TMTC4: variants seen among roughly 807,000 people sequenced by gnomAD.
The protein encoded by TMTC4 is protein O-mannosyl-transferase TMTC4.
TMTC4 carries 65 observed loss-of-function variants against 86.0 expected under a neutral mutation model. That is an observed-to-expected ratio of 0.76 (90% confidence interval 0.62 to 0.93). TMTC4 has a LOEUF of 0.93. TMTC4 is among the 40% of genes least tolerant of loss of function. TMTC4 has a pLI of 0.00. For missense variants in TMTC4, 866 were observed against 948.1 expected (o/e 0.91, Z 1.14); for synonymous variants, 379 against 382.5 (o/e 0.99, Z 0.11).
At chr13:100,606,134 G>A (rs759570967) in intron 18 of TMTC4, among the ~76,000 whole-genome samples, 2 of 152,206 alleles carry the variant, frequency 1.3e-5, no homozygotes, top group Admixed American at 6.5e-5. Flanking sequence ...TTCATCATGA[G>A]AAGGTAATAG....
At position 100,674,017 on chromosome 13, in the gene TMTC4, A is replaced by T. The variant is rs577574681; in HGVS notation, c.-208+727T>A. 1.9e-5 allele frequency: 19 copies of T among 983,568 alleles called. No homozygotes were observed. In the South Asian group the frequency reaches 2.8e-4, roughly 15 times the overall value. 60.9% of individuals were successfully genotyped at this position (983,568 alleles called of 1,614,324 possible). On this transcript the variant is annotated intron_variant, in intron 1 of 18. Transcript: ENST00000342624. ...TCCTCCCTTCTTTTGTGTGTGGTTT[A>T]AAAAAAAGAAAAACACACACGCAGC...
At chr13:100,670,916 G>A (rs573182458) in intron 1 of TMTC4, among the ~76,000 whole-genome samples, 37 of 152,264 alleles carry the variant, frequency 2.4e-4, no homozygotes, top group African/African-American at 8.7e-4. Context: ...ATCACACCTC[G>A]GCTCTACAGC....
rs1033711314 is a variant in TMTC4, at chr13:100,674,090, G to A, written c.-208+654C>T. 1.8e-5 allele frequency: 18 copies of A among 984,926 alleles called. No individual in the cohort carries two copies. The African/African-American group carries it at 2.6e-4, about 14-fold the overall frequency. The allele number at this position is 984,926 out of a possible 1,614,324, so 61.0% of individuals were successfully genotyped here. A position where few individuals can be genotyped will look rare whatever the true frequency, so the allele number is the denominator to read the frequency against. On this transcript the variant is annotated intron_variant, in intron 1 of 18. Coordinates refer to ENST00000342624, the MANE Select transcript of TMTC4 (RefSeq NM_032813.5). ...ACCAGAAGCCCCGCAGAGTTCGCAG[G>A]AGGTGGGCAGTGGCTGCGCCACCTG... is the stretch of plus-strand genomic sequence containing the variant.
chr13:100,659,443 C>T (rs546090409), intron 5 of TMTC4, among the ~76,000 whole-genome samples: 1 of 152,202 alleles, frequency 6.6e-6, no homozygotes, highest in East Asian at 1.9e-4. Context: ...ACAGGCAGAA[C>T]TCTTAAGGGG....
At position 100,605,012 on chromosome 13, in the gene TMTC4, C is replaced by T; in HGVS notation, c.2265G>A (p.Met755Ile). 6.2e-7 allele frequency: 1 copy of T among 1,613,532 alleles called. No individual in the cohort carries two copies. The highest frequency in any genetic ancestry group is 1.3e-5 in the African/African-American group (1 of 74,988). Residue 755 changes from methionine to isoleucine, a missense_variant, in exon 19 of 19, where the codon ATG becomes ATA. Met to Ile is a conservative substitution (Grantham distance 10). Coordinates refer to ENST00000342624, the MANE Select transcript of TMTC4 (RefSeq NM_032813.5). This position sits in a 1 kb window ranked among gnomAD's most constrained non-coding sequence, Gnocchi z 4.3. Reference protein sequence around the residue: ...YGLLRRKLELMQKKAV With the variant: ...YGLLRRKLELIQKKAV Reference sequence around the variant, plus strand: ...AACAGGATCAGACAGCTTTCTTTTGCATTAGTTCTAGCTTTCTTCTCAGCA... The same window carrying T: ...AACAGGATCAGACAGCTTTCTTTTGTATTAGTTCTAGCTTTCTTCTCAGCA...
In TMTC4 at chr13:100,605,505, C is replaced by T. The variant is rs1297038790; in HGVS notation, c.2135-363G>A. ...TGGGGGTGATGGATGCTAGGCACTG[C>T]CCAGAGCCCTGACTATGCAGAAGTT... On this transcript the variant is annotated intron_variant, in intron 18 of 18. Transcript: ENST00000342624. The surrounding 1 kb of genome is among the most constrained non-coding windows in gnomAD (Gnocchi z 4.3). Among the ~76,000 whole-genome samples the T allele has an allele frequency of 6.6e-6, 1 of 152,152 alleles. No homozygotes were observed.
intron 17 of TMTC4, among the ~76,000 whole-genome samples, chr13:100,607,138 C>T (rs914702399): frequency 6.6e-5 from 10 of 152,190 alleles, no homozygotes; most frequent in East Asian, 1.9e-4. Flanking sequence ...GAAATAAAGA[C>T]GCCTAACCTG....
At chr13:100,661,862 G>A (rs972901737) in intron 5 of TMTC4, among the ~76,000 whole-genome samples, 1 of 152,172 alleles carries the variant, frequency 6.6e-6, no homozygotes, top group African/African-American at 2.4e-5. Flanking sequence ...CCTAAGAAAC[G>A]AGAAGTCTAC....
chr13:100,659,744 T>C (rs144221836), intron 5 of TMTC4, among the ~76,000 whole-genome samples: 42 of 150,750 alleles, frequency 2.8e-4, no homozygotes, highest in African/African-American at 9.8e-4. Context: ...AGACATTCCA[T>C]GAGTTGAGGA....
chr13:100,644,233 A>C (rs1883420416), intron 6 of TMTC4, among the ~76,000 whole-genome samples: 1 of 151,106 alleles, frequency 6.6e-6, no homozygotes, highest in South Asian at 2.1e-4. Context: ...GCTCCCGAGT[A>C]GCTGGGACTA....
At chr13:100,662,807 T>A (rs1485746428) in intron 5 of TMTC4, among the ~76,000 whole-genome samples, 157 bp downstream of exon 5, 1 of 152,198 alleles carries the variant, frequency 6.6e-6, no homozygotes, top group Non-Finnish European at 1.5e-5. Context: ...TTATGTAGTG[T>A]CCTTTCTATT....
rs764953630 is a variant in TMTC4 at position 100,637,628 on chromosome 13, G to C, written c.909C>G (p.Leu303=). 1.9e-6 allele frequency: 3 copies of C among 1,614,086 alleles called. No homozygotes were observed. Among genetic ancestry groups the C allele is most frequent in the African/African-American group, 2.7e-5 (2 of 74,936 alleles). Reference sequence around the variant, plus strand: ...TGCCCATGATCCTCCAGCGCACGTAGAGCATCCCAGCCCCTCCAGAGGTGA... The same window carrying C: ...TGCCCATGATCCTCCAGCGCACGTACAGCATCCCAGCCCCTCCAGAGGTGA... The part of the protein sequence containing the change: ...TLLTSGGAGM[L]YVRWRIMGTG... Residue 303 remains leucine, a synonymous_variant, in exon 9 of 19, where the codon CTC becomes CTG. Transcript: ENST00000342624.
chr13:100,628,864 G>T (rs1880931223), intron 12 of TMTC4, among the ~76,000 whole-genome samples: 1 of 152,188 alleles, frequency 6.6e-6, no homozygotes. Flanking sequence ...AAAAGAATTT[G>T]TTGGCCGGGC....
chr13:100,621,019 G>A (rs777742396), intron 15 of TMTC4, among the ~76,000 whole-genome samples: 5 of 152,166 alleles, frequency 3.3e-5, no homozygotes, highest in South Asian at 2.1e-4. Context: ...AACAGTTGGC[G>A]GAATGGAATA....
chr13:100,614,491 C>T (rs1357162967), intron 15 of TMTC4, 61 bp from the exon 16 acceptor site: 3 of 777,156 alleles, frequency 3.9e-6, no homozygotes, highest in Non-Finnish European at 5.9e-6. Flanking sequence ...CTTTCCAAGA[C>T]ATTATTAAAA....
chr13:100,622,685 C>T (rs2066157), intron 15 of TMTC4, among the ~76,000 whole-genome samples: 140,513 of 152,206 alleles, frequency 0.92, 65,867 homozygotes, highest in East Asian at 1. Context: ...CTCTTTTTCT[C>T]TATAAATTAC....
At chr13:100,674,313 C>A in intron 1 of TMTC4, 1 of 978,982 alleles carries the variant, frequency 1.0e-6, no homozygotes, top group South Asian at 4.7e-5. Context: ...CAGCCATCGC[C>A]TGCGCCGCGG....
At chr13:100,635,851 G>GT (rs1041976902) in intron 10 of TMTC4, 2 of 152,754 alleles carry the variant, frequency 1.3e-5, no homozygotes, top group African/African-American at 4.8e-5. Context: ...TGTGGCTACA[G>GT]TATTTCTATA....
intron 6 of TMTC4, among the ~76,000 whole-genome samples, chr13:100,644,098 CTTTTTTTT>C (rs35254351): frequency 7.6e-6 from 1 of 132,274 alleles, no homozygotes; most frequent in Non-Finnish European, 1.6e-5. Context: ...GGGAGGCGCT[CTTTTTTTT>C]TTTTTTTTTT....
Sources: gnomAD v4.1 joint callset for allele counts (sites outside exome capture counted in the v4.1 genomes callset) on GRCh38, gnomAD v4.1.1 for gene constraint, Gnocchi (gnomAD v3.1) non-coding constraint, MANE v1.5 for transcripts, NCBI Gene and HGNC (gene_info 2026-07-23, HGNC 2026-07-21) for gene names.